The following CDHR3 variants were observed in gnomAD, a reference collection of about 807,000 sequenced individuals.
CDHR3 encodes cadherin-related family member 3.
CDHR3 carries 79 observed loss-of-function variants against 86.6 expected under a neutral mutation model. The observed-to-expected ratio is 0.91, with a 90% confidence interval of 0.76 to 1.10. The LOEUF is 1.10. Ranked by LOEUF, CDHR3 falls within the 50% of genes least tolerant of loss-of-function variation. The pLI is 0.00. For synonymous variants in CDHR3, 421 were observed against 402.4 expected (o/e 1.05, Z -0.55); for missense variants, 1,081 against 1,077.6 (o/e 1.00, Z -0.04).
chr7:105,992,485 C>T (rs1045789179), intron 4 of CDHR3, among the ~76,000 whole-genome samples: 9 of 152,184 alleles, frequency 5.9e-5, no homozygotes, highest in African/African-American at 2.2e-4. Flanking sequence ...GATTTAAACC[C>T]CACACCTGGG....
chr7:106,026,240 C>T (rs745375892), intron 15 of CDHR3, among the ~76,000 whole-genome samples: 2 of 152,068 alleles, frequency 1.3e-5, no homozygotes, highest in Non-Finnish European at 2.9e-5. Context: ...GGTCTGAGTC[C>T]AGCTCTTCAT....
chr7:106,021,094 C>T (rs1247811462), intron 13 of CDHR3, among the ~76,000 whole-genome samples: 14 of 152,134 alleles, frequency 9.2e-5, no homozygotes, highest in Admixed American at 8.5e-4. Context: ...AGATTAAGTG[C>T]GTTTTGAAAC....
intron 14 of CDHR3, among the ~76,000 whole-genome samples, chr7:106,023,038 T>C (rs1337283426): frequency 6.6e-6 from 1 of 152,196 alleles, no homozygotes; most frequent in Non-Finnish European, 1.5e-5. Flanking sequence ...GAAAGCTTAT[T>C]GTATAGGCGA....
rs76067797 is a variant in CDHR3 at position 106,017,935 on chromosome 7, C to T, written c.1516C>T (p.Leu506Phe). Residue 506 changes from leucine (L) to phenylalanine (F), a missense_variant, in exon 12 of 19, where the codon CTC (leucine) becomes TTC (phenylalanine). Transcript: ENST00000317716. ...CTCCATCTCCACTGGAGGGGCCAGC[C>T]TCCAGTATCCAAATGTATTTTGGAT... ...LYSISTGGASLQYPNVFWINP... is the reference protein window; with the variant it reads ...LYSISTGGASFQYPNVFWINP... 7,753 of 1,612,826 alleles carry T rather than the reference C, an allele frequency of 4.8e-3. 27 individuals carry two copies. Among genetic ancestry groups the T allele is most frequent in the Middle Eastern group, 0.018 (108 of 6,056 alleles).
At chr7:105,983,788 G>A (rs1301950795) in intron 3 of CDHR3, among the ~76,000 whole-genome samples, 1 of 152,158 alleles carries the variant, frequency 6.6e-6, no homozygotes, top group Non-Finnish European at 1.5e-5. Context: ...GTCCTTCAAG[G>A]GGTAACAGCA....
intron 16 of CDHR3, 97 bp from the exon 17 acceptor site, chr7:106,028,454 C>G (rs534127678): frequency 4.6e-6 from 6 of 1,296,616 alleles, no homozygotes; most frequent in Non-Finnish European, 6.6e-6. Context: ...AGACTGAGAT[C>G]GAAGCCTATT....
chr7:106,016,700 CA>C (rs1835679272), intron 11 of CDHR3, among the ~76,000 whole-genome samples: 1 of 152,176 alleles, frequency 6.6e-6, no homozygotes, highest in Non-Finnish European at 1.5e-5. Flanking sequence ...AAACCAAAAC[CA>C]AAACGCTCCC....
At chr7:106,004,054 G>A (rs1833606182) in intron 7 of CDHR3, among the ~76,000 whole-genome samples, 1 of 150,966 alleles carries the variant, frequency 6.6e-6, no homozygotes, top group African/African-American at 2.4e-5. Flanking sequence ...AGGATTCTGT[G>A]CATCTCTTAA....
chr7:106,015,292 T>C (rs894580722), intron 10 of CDHR3, 79 bp downstream of exon 10: 7 of 1,257,286 alleles, frequency 5.6e-6, no homozygotes, highest in East Asian at 5.1e-5. Context: ...ATACTAGGTA[T>C]TGTGCTAGGT....
chr7:106,006,128 A>G (rs1348177207), intron 8 of CDHR3, among the ~76,000 whole-genome samples: 1 of 151,778 alleles, frequency 6.6e-6, no homozygotes, highest in African/African-American at 2.4e-5. Context: ...ACTCCTCCTT[A>G]TAAAGCCATC....
chr7:106,028,985 TTTC>T (rs1837901970), intron 17 of CDHR3, among the ~76,000 whole-genome samples: 1 of 149,870 alleles, frequency 6.7e-6, no homozygotes. Context: ...TCTTTCTTTC[TTTC>T]TTTCTTTTTA....
At position 106,024,477 on chromosome 7, in the gene CDHR3, G is replaced by A. The variant is rs745559683; in HGVS notation, c.2173G>A (p.Gly725Ser). The A allele has an allele frequency of 6.2e-7, 1 of 1,613,846 alleles. No individual in the cohort carries two copies. The highest frequency in any genetic ancestry group is 2.2e-5 in the East Asian group (1 of 44,892). ...CACTTTGGGCTCCATATTGCTTCTG[G>A]GTCTCCTCGTGTACCTGGTCGTCCT... ...VITLGSILLL[G>S]LLVYLVVLLA... Residue 725 changes from glycine to serine, a missense_variant, in exon 15 of 19, where the codon GGT becomes AGT. Physicochemically the swap from Gly to Ser is moderately conservative, Grantham distance 56. Transcript: ENST00000317716.
chr7:106,009,564 G>A (rs1214359069), intron 8 of CDHR3, among the ~76,000 whole-genome samples: 1 of 152,232 alleles, frequency 6.6e-6, no homozygotes, highest in African/African-American at 2.4e-5. Context: ...TGGAGTTCTT[G>A]AGAGCAGGTG....
intron 14 of CDHR3, among the ~76,000 whole-genome samples, chr7:106,023,677 A>G (rs1836920697): frequency 6.6e-6 from 1 of 152,174 alleles, no homozygotes; most frequent in Non-Finnish European, 1.5e-5. Context: ...TTCTTCTCAG[A>G]GTCTTGCCAG....
In CDHR3 at chr7:105,996,319, C is replaced by T. The variant is rs774550441; in HGVS notation, c.678C>T (p.Ile226=). ...LKASTELQVN[I]VNLNDEVPRF... is the part of the protein sequence containing the mutation. ...CCTCCACAGAGCTCCAGGTGAACAT[C>T]GTGAACCTCAACGACGAAGTCCCTC... The change falls in exon 6 of 19, where the codon ATC becomes ATT. Residue 226 remains isoleucine, a synonymous_variant. Transcript: ENST00000317716. The T allele has an allele frequency of 2.3e-5, 36 of 1,597,734 alleles. No homozygotes were observed. In the African/African-American group the frequency reaches 3.2e-4, roughly 14 times the overall value.
rs1371516965 is a variant in CDHR3 at position 105,980,589 on chromosome 7, TTTTTTTTTTTTTTTTTAA to T, written c.250-364_250-347del. Among the ~76,000 whole-genome samples the T allele has an allele frequency of 6.6e-4, 27 of 40,688 alleles. 1 individual carries two copies. Among genetic ancestry groups the T allele is most frequent in the African/African-American group, 1.2e-3 (26 of 21,042 alleles). The allele number at this position is 40,688 out of a possible 152,430, so 26.7% of individuals were successfully genotyped here. ...CCTACCCCCAAGTAGTGGAAGGTTT[TTTTTTTTTTTTTTTTTAA>T]TTTTTTTTTTTTTTAATTTTTTTTT... On this transcript the variant is annotated intron_variant, in intron 2 of 18. Transcript: ENST00000317716.
At chr7:106,017,608 C>CAA (rs1212914453) in intron 11 of CDHR3, among the ~76,000 whole-genome samples, 5 of 147,638 alleles carry the variant, frequency 3.4e-5, no homozygotes, top group African/African-American at 1.0e-4. Context: ...CACACACACA[C>CAA]AAAGATATAA....
At chr7:105,963,456 C>G in intron 1 of CDHR3, 92 bp downstream of exon 1, 1 of 1,363,776 alleles carries the variant, frequency 7.3e-7, no homozygotes, top group Non-Finnish European at 1.0e-6. Flanking sequence ...GGAAATTGCC[C>G]CTGGGAGGCT....
intron 4 of CDHR3, among the ~76,000 whole-genome samples, chr7:105,985,817 AGTTAGGAATGT>A (rs201823461): frequency 0.035 from 5,372 of 152,288 alleles, 135 homozygotes; most frequent in Non-Finnish European, 0.055. Context: ...TTCTCATACT[AGTTAGGAATGT>A]GTTTGTCTGC....
Sources: gnomAD v4.1 joint callset for allele counts (sites outside exome capture counted in the v4.1 genomes callset) on GRCh38, gnomAD v4.1.1 for gene constraint, MANE v1.5 for transcripts, NCBI Gene and HGNC (gene_info 2026-07-23, HGNC 2026-07-21) for gene names.